NELL1: variants seen among roughly 807,000 people sequenced by gnomAD.
NELL1 encodes the protein protein kinase C-binding protein NELL1.
Under a neutral mutation model 107.4 loss-of-function variants are expected in NELL1, and 76 were observed. That is an observed-to-expected ratio of 0.71 (90% CI 0.59 to 0.86). The LOEUF (loss-of-function observed/expected upper bound fraction) is 0.86. NELL1 is among the 40% of genes least tolerant of loss of function. The pLI is 0.00. For missense variants in NELL1, 1,024 were observed against 1,005.5 expected (o/e 1.02, Z -0.25); for synonymous variants, 353 against 341.2 (o/e 1.03, Z -0.38).
intron 4 of NELL1, among the ~76,000 whole-genome samples, chr11:20,850,625 G>A (rs907042110): frequency 6.6e-6 from 1 of 152,074 alleles, no homozygotes; most frequent in Non-Finnish European, 1.5e-5. Flanking sequence ...CCAATAGTGG[G>A]GACCATTGAC....
intron 4 of NELL1, among the ~76,000 whole-genome samples, chr11:20,877,579 A>G (rs1008300808): frequency 2.0e-5 from 3 of 152,354 alleles, no homozygotes; most frequent in African/African-American, 4.8e-5. Context: ...TAAGCAGACA[A>G]TACACTTGTT....
At chr11:20,969,094 T>C (rs1851442745) in intron 12 of NELL1, among the ~76,000 whole-genome samples, 1 of 152,190 alleles carries the variant, frequency 6.6e-6, no homozygotes, top group African/African-American at 2.4e-5. Flanking sequence ...AAATGAGTTC[T>C]AGCTTCAGTT....
chr11:21,049,926 G>A (rs143996025), intron 12 of NELL1, among the ~76,000 whole-genome samples: 215 of 131,388 alleles, frequency 1.6e-3, no homozygotes, highest in African/African-American at 7.1e-3. Flanking sequence ...TAATTAATTC[G>A]TGCCATTAAT....
intron 16 of NELL1, among the ~76,000 whole-genome samples, chr11:21,559,640 C>T (rs1385587792): frequency 2.0e-5 from 3 of 151,990 alleles, no homozygotes; most frequent in Non-Finnish European, 4.4e-5. Context: ...AAGAATTGTT[C>T]CCACTTCCTT....
At chr11:21,276,241 T>G (rs1051508577) in intron 14 of NELL1, among the ~76,000 whole-genome samples, 11 of 152,248 alleles carry the variant, frequency 7.2e-5, no homozygotes, top group African/African-American at 2.6e-4. Context: ...ATCACAAGCA[T>G]TCTTATACAC....
chr11:20,735,631 TC>T (rs1483399263), intron 2 of NELL1, among the ~76,000 whole-genome samples: 5 of 152,132 alleles, frequency 3.3e-5, no homozygotes, highest in African/African-American at 1.2e-4. Flanking sequence ...ATATCAAGGA[TC>T]TTTTTGCAGC....
intron 12 of NELL1, among the ~76,000 whole-genome samples, chr11:21,053,951 G>GT (rs1242628296): frequency 6.6e-6 from 1 of 152,002 alleles, no homozygotes; most frequent in South Asian, 2.1e-4. Context: ...AAAGAACTTA[G>GT]TTTTTTTCCC....
chr11:21,385,004 G>T (rs772108164), intron 15 of NELL1, among the ~76,000 whole-genome samples: 1 of 151,634 alleles, frequency 6.6e-6, no homozygotes, highest in African/African-American at 2.4e-5. Context: ...TGTTTGCTTG[G>T]AATGTTCTTC....
intron 16 of NELL1, among the ~76,000 whole-genome samples, chr11:21,535,390 A>G (rs1028342497): frequency 2.6e-5 from 4 of 152,112 alleles, no homozygotes; most frequent in African/African-American, 4.8e-5. Flanking sequence ...GAAAGTGGGA[A>G]TTTGATTTTG....
intron 13 of NELL1, among the ~76,000 whole-genome samples, chr11:21,180,914 G>A (rs539094957): frequency 6.6e-6 from 1 of 151,702 alleles, no homozygotes; most frequent in South Asian, 2.1e-4. Context: ...GTTTTTCTAG[G>A]TGAATCCTGA....
At chr11:20,682,578 T>C (rs1047545957) in intron 2 of NELL1, among the ~76,000 whole-genome samples, 3 of 151,958 alleles carry the variant, frequency 2.0e-5, no homozygotes, top group Admixed American at 2.0e-4. Flanking sequence ...ATTAAACAGG[T>C]TTATTGAGGT....
chr11:21,117,144 T>C (rs1855256121), intron 13 of NELL1, among the ~76,000 whole-genome samples: 1 of 151,970 alleles, frequency 6.6e-6, no homozygotes, highest in Non-Finnish European at 1.5e-5. Flanking sequence ...TTGATATTTG[T>C]GTATTGAGCT....
intron 12 of NELL1, among the ~76,000 whole-genome samples, chr11:21,054,711 A>G (rs571930358): frequency 2.6e-5 from 4 of 152,150 alleles, no homozygotes; most frequent in African/African-American, 4.8e-5. Flanking sequence ...TTTTGTATGC[A>G]TATTATGCAT....
rs79306814 is a variant in NELL1 at position 20,922,309 on chromosome 11, G to A, written c.759+2975G>A. Among the ~76,000 whole-genome samples, 468 of 152,118 alleles carry A rather than the reference G, an allele frequency of 3.1e-3. 2 individuals carry two copies. Among genetic ancestry groups the A allele is most frequent in the African/African-American group, 0.011 (440 of 41,508 alleles). The stretch of plus-strand genomic sequence containing the variant: ...GGATCCCTGCAGTCACTTTGTTTTG[G>A]CCTCTGTGACTTTGTTTCTTCCTTT... On this transcript the variant is annotated intron_variant, in intron 7 of 19. Coordinates refer to ENST00000357134, the MANE Select transcript of NELL1 (RefSeq NM_006157.5).
intron 14 of NELL1, among the ~76,000 whole-genome samples, chr11:21,291,120 A>G (rs1049491622): frequency 3.9e-5 from 6 of 152,200 alleles, no homozygotes; most frequent in African/African-American, 1.4e-4. Context: ...ATTGCTAACC[A>G]GAATAACCAG....
intron 14 of NELL1, among the ~76,000 whole-genome samples, chr11:21,242,176 T>C (rs1233232183): frequency 6.6e-6 from 1 of 152,042 alleles, no homozygotes; most frequent in Admixed American, 6.6e-5. Flanking sequence ...ACAGATAAAC[T>C]CCAAAACTTC....
chr11:21,019,494 CTA>C (rs1361843757), intron 12 of NELL1, among the ~76,000 whole-genome samples: 1 of 151,916 alleles, frequency 6.6e-6, no homozygotes, highest in African/African-American at 2.4e-5. Context: ...GAATTAGGGG[CTA>C]TGTGTATCTT....
intron 2 of NELL1, among the ~76,000 whole-genome samples, chr11:20,746,983 T>G (rs930833887): frequency 6.6e-6 from 1 of 152,304 alleles, no homozygotes; most frequent in African/African-American, 2.4e-5. Context: ...GAGAAGTCCC[T>G]GGTGGTGACT....
At chr11:21,495,198 A>G (rs1854945492) in intron 15 of NELL1, among the ~76,000 whole-genome samples, 1 of 152,154 alleles carries the variant, frequency 6.6e-6, no homozygotes, top group Non-Finnish European at 1.5e-5. Flanking sequence ...ACACTAAGCT[A>G]CTTTCTGTCA....
Sources: gnomAD v4.1 joint callset for allele counts (sites outside exome capture counted in the v4.1 genomes callset) on GRCh38, gnomAD v4.1.1 for gene constraint, MANE v1.5 for transcripts, NCBI Gene and HGNC (gene_info 2026-07-23, HGNC 2026-07-21) for gene names.